Variants in FLT4 observed in about 807,000 individuals in gnomAD.
FLT4 encodes vascular endothelial growth factor receptor 3.
Under a neutral mutation model 163.2 loss-of-function variants are expected in FLT4, and 30 were observed. That is an observed-to-expected ratio of 0.18 (90% CI 0.14 to 0.25). The LOEUF is 0.25. Among genes scored for constraint, FLT4 ranks in the 10% least tolerant of loss-of-function variants. The probability of loss-of-function intolerance (pLI) is 1.00; values close to 1 mark genes in which losing one functional copy is unlikely to be tolerated. For synonymous variants in FLT4, 884 were observed against 789.5 expected, an observed-to-expected ratio of 1.12 and a Z score of -2.01; for missense variants, 1,510 against 1,863.8, an observed-to-expected ratio of 0.81 and a Z score of 3.50.
intron 1 of FLT4, among the ~76,000 whole-genome samples, chr5:180,632,088 T>C (rs1764219436): frequency 6.6e-6 from 1 of 152,142 alleles, no homozygotes; most frequent in Non-Finnish European, 1.5e-5. Context: ...GCGGCTGGCA[T>C]GAAGGAGCGG....
intron 2 of FLT4, among the ~76,000 whole-genome samples, 160 bp downstream of exon 2, chr5:180,631,522 G>A (rs1304898240): frequency 6.6e-6 from 1 of 152,102 alleles, no homozygotes; most frequent in Non-Finnish European, 1.5e-5. Flanking sequence ...AGGCTGGGGA[G>A]GACCGAAGTC....
At chr5:180,632,930 C>T (rs1445818632) in intron 1 of FLT4, among the ~76,000 whole-genome samples, 2 of 152,042 alleles carry the variant, frequency 1.3e-5, no homozygotes, top group Non-Finnish European at 2.9e-5. Flanking sequence ...AGGCCCAGGG[C>T]TGCGTCCTGT....
In FLT4 at chr5:180,615,545, GCCC is replaced by G. The variant is rs1561705015; in HGVS notation, c.3219+819_3219+821del. Among the ~76,000 whole-genome samples the G allele has an allele frequency of 8.2e-4, 18 of 22,028 alleles. 3 individuals are homozygous for G. The highest frequency in any genetic ancestry group is 1.3e-3 in the Non-Finnish European group (13 of 9,718). The allele number at this position is 22,028 out of a possible 152,430, so 14.5% of individuals were successfully genotyped here. A position where few individuals can be genotyped will look rare whatever the true frequency, so the allele number is the denominator to read the frequency against. On this transcript the variant is annotated intron_variant, in intron 23 of 29. Transcript: ENST00000261937. Reference sequence around the variant, plus strand: ...TCTCCACTTCCTTTCGGAGCACTGGGCCCGCCGGTCACCTCCCTTCTCCACTTC... The same window carrying G: ...TCTCCACTTCCTTTCGGAGCACTGGGGCCGGTCACCTCCCTTCTCCACTTC...
intron 1 of FLT4, among the ~76,000 whole-genome samples, chr5:180,643,531 C>T (rs1377062260): frequency 6.6e-6 from 1 of 152,222 alleles, no homozygotes; most frequent in Non-Finnish European, 1.5e-5. Flanking sequence ...TGGCCCAGTC[C>T]TTGCTCAGGG....
intron 27 of FLT4, 134 bp downstream of exon 27, chr5:180,611,197 C>CTGTT: frequency 9.0e-7 from 1 of 1,110,598 alleles, no homozygotes; most frequent in Non-Finnish European, 1.3e-6. Context: ...TAAAGCCACT[C>CTGTT]TGTGCTCTGA....
At chr5:180,619,526 C>T in intron 18 of FLT4, 139 bp downstream of exon 18, 2 of 973,026 alleles carry the variant, frequency 2.1e-6, no homozygotes, top group Non-Finnish European at 3.3e-6. Context: ...GGCTCTGAAG[C>T]CCGCAGCCTC....
At chr5:180,642,185 C>A (rs530131258) in intron 1 of FLT4, among the ~76,000 whole-genome samples, 1 of 147,668 alleles carries the variant, frequency 6.8e-6, no homozygotes, top group African/African-American at 2.5e-5. Context: ...CCAGCTTGGG[C>A]GACAGAGTGA....
chr5:180,639,339 A>G (rs185842151), intron 1 of FLT4, among the ~76,000 whole-genome samples: 5 of 80,272 alleles, frequency 6.2e-5, no homozygotes, highest in African/African-American at 1.5e-4. Flanking sequence ...GGATGGACAG[A>G]CAGATGAATG....
At position 180,619,785 on chromosome 5, in the gene FLT4, GC is replaced by G; in HGVS notation, c.2543-17del. The stretch of plus-strand genomic sequence containing the variant: ...AGCACTCTCCCTGTCGGGGCAGGGG[GC>G]CAGTTGCAGGTGAGCTGTACGGGGT... On this transcript the variant is annotated splice_polypyrimidine_tract_variant and intron_variant, in intron 17 of 29. Coordinates refer to ENST00000261937, the MANE Select transcript of FLT4 (RefSeq NM_182925.5). 1 of 1,593,330 alleles carries G rather than the reference GC, an allele frequency of 6.3e-7. No individual in the cohort carries two copies. The highest frequency in any genetic ancestry group is 8.6e-7 in the Non-Finnish European group (1 of 1,163,206).
intron 10 of FLT4, among the ~76,000 whole-genome samples, chr5:180,624,395 T>G (rs1371873969): frequency 6.6e-6 from 1 of 152,090 alleles, no homozygotes; most frequent in Non-Finnish European, 1.5e-5. Context: ...CCTGGCTATT[T>G]TTTTTGTATT....
rs2127839376 is a variant in FLT4, at chr5:180,630,785, AG to A, written c.169del (p.Leu57SerfsTer76). On this transcript the variant is annotated frameshift_variant, in exon 3 of 30. Coordinates refer to ENST00000261937, the MANE Select transcript of FLT4 (RefSeq NM_182925.5). LOFTEE classifies it high-confidence loss of function. The surrounding 1 kb of genome is among the most constrained non-coding windows in gnomAD (Gnocchi z 6.3). ...CTGAGCTCCTGGCCAAGCCCACTCG[AG>A]GGGGTGCTGTCCCCTGGCAGAGGAC... ...LSISCRGQHP[L>X]EWAWPGAQEA... 6.2e-7 allele frequency: 1 copy of A among 1,603,778 alleles called. No individual in the cohort carries two copies.
At chr5:180,642,667 C>T (rs374820980) in intron 1 of FLT4, among the ~76,000 whole-genome samples, 21 of 152,322 alleles carry the variant, frequency 1.4e-4, no homozygotes, top group African/African-American at 5.1e-4. Context: ...ACCTCGAGCC[C>T]AGCCCACATC....
In FLT4 at chr5:180,621,956, C is replaced by A. The variant is rs750764601; in HGVS notation, c.1658-52G>T. The A allele has an allele frequency of 5.6e-6, 9 of 1,605,694 alleles. No homozygotes were observed. The South Asian group carries it at 7.7e-5, about 14-fold the overall frequency. On this transcript the variant is annotated intron_variant, in intron 12 of 29. Coordinates refer to ENST00000261937, the MANE Select transcript of FLT4 (RefSeq NM_182925.5). Reference sequence around the variant, plus strand: ...GCACTGCCCTGGGAGTTTGCTCCCCCATCCACCTGCCGCCCCGGGGTCTCC... The same window carrying A: ...GCACTGCCCTGGGAGTTTGCTCCCCAATCCACCTGCCGCCCCGGGGTCTCC...
chr5:180,641,996 CAA>C (rs368576451), intron 1 of FLT4, among the ~76,000 whole-genome samples: 6,707 of 152,150 alleles, frequency 0.044, 213 homozygotes, highest in South Asian at 0.12. Flanking sequence ...ATCAGGAGGT[CAA>C]GAGATTGAGA....
At chr5:180,631,970 C>T (rs1764207343) in intron 1 of FLT4, among the ~76,000 whole-genome samples, 192 bp from the exon 2 acceptor site, 1 of 152,164 alleles carries the variant, frequency 6.6e-6, no homozygotes, top group African/African-American at 2.4e-5. Context: ...GGCGCCAAGA[C>T]AGCCACGAAC....
chr5:180,609,053 C>T lies in FLT4; in HGVS notation c.3808G>A (p.Asp1270Asn). ...MTPTTYKGSV[D>N]NQTDSGMVLA... ...ACCATCCCACTGTCTGTCTGGTTGT[C>T]CTGTGTGGAGAGGACAAGCCAGGCT... Residue 1270 changes from aspartate to asparagine, a missense_variant and splice_region_variant, in exon 29 of 30, where the codon GAC becomes AAC. Asp to Asn is a conservative substitution (Grantham distance 23). Transcript: ENST00000261937. 1 of 1,614,128 alleles carries T rather than the reference C, an allele frequency of 6.2e-7. No homozygotes were observed. The highest frequency in any genetic ancestry group is 8.5e-7 in the Non-Finnish European group (1 of 1,179,948).
chr5:180,637,582 C>T (rs918364633), intron 1 of FLT4, among the ~76,000 whole-genome samples: 2 of 152,132 alleles, frequency 1.3e-5, no homozygotes, highest in Non-Finnish European at 2.9e-5. Flanking sequence ...GCCCAGGCTG[C>T]AGTGCAGTGG....
Position 180,611,429 on chromosome 5 carries a change from C to T in FLT4, c.3588G>A (p.Glu1196=). 1.2e-6 allele frequency: 2 copies of T among 1,614,002 alleles called. No individual in the cohort carries two copies. The highest frequency in any genetic ancestry group is 3.3e-4 in the Middle Eastern group (2 of 6,062). ...MAPRSSQSSE[E]GSFSQVSTMA... ...TGGTGGACACCTGCGAGAAGCTGCC[C>T]TCTTCTGAGCTCTGAGAGCTGCGCG... Residue 1196 remains glutamate, a synonymous_variant, in exon 27 of 30, where the codon GAG becomes GAA. Transcript: ENST00000261937.
At position 180,612,994 on chromosome 5, in the gene FLT4, G is replaced by C. The variant is rs1343398407; in HGVS notation, c.3431+17C>G. 3 of 1,597,572 alleles carry C rather than the reference G, an allele frequency of 1.9e-6. No individual in the cohort carries two copies. Among genetic ancestry groups the C allele is most frequent in the Non-Finnish European group, 1.7e-6 (2 of 1,166,418 alleles). ...GCTTGCTGTCCCCAAAACCTGCAGG[G>C]CCATGGGGAGGCTCACATGGCGGGA... On this transcript the variant is annotated intron_variant, in intron 25 of 29. Transcript: ENST00000261937.
Sources: allele counts gnomAD v4.1 joint callset (sites outside exome capture counted in the v4.1 genomes callset), GRCh38; gene constraint gnomAD v4.1.1; non-coding constraint Gnocchi (gnomAD v3.1); transcripts MANE v1.5; gene names NCBI Gene and HGNC (gene_info 2026-07-23, HGNC 2026-07-21).